The following XKR4 variants were observed in gnomAD, a reference collection of about 807,000 sequenced individuals.
XKR4 encodes XK-related protein 4.
In XKR4, 12 loss-of-function variants were observed where a neutral mutation model predicts 53.9. The observed-to-expected ratio is 0.22, with a 90% CI of 0.14 to 0.36. The LOEUF is 0.36. Ranked by LOEUF, XKR4 falls within the 10% of genes least tolerant of loss-of-function variation. The pLI, the probability that XKR4 is intolerant of heterozygous loss-of-function variation, is 1.00. For missense variants in XKR4, 799 were observed against 859.5 expected (o/e 0.93, Z 0.88); for synonymous variants, 354 against 362.4 (o/e 0.98, Z 0.26).
Position 55,139,404 on chromosome 8 carries a change from G to T in XKR4, c.806+36110G>T, listed in dbSNP as rs116323775. Among the ~76,000 whole-genome samples, 588 of 151,504 alleles carry T rather than the reference G, an allele frequency of 3.9e-3. 7 individuals are homozygous for T. The highest frequency in any genetic ancestry group is 0.014 in the African/African-American group (565 of 41,238). ...CAAAAATTATCTGGATGCGGTGGCG[G>T]CAGGCCCCGGTAATCCCAGCTACTT... On this transcript the variant is annotated intron_variant, in intron 1 of 2. Transcript: ENST00000327381.
chr8:55,183,683 G>A lies in XKR4; in HGVS notation c.806+80389G>A, dbSNP rs1192004712. The stretch of plus-strand genomic sequence containing the variant: ...TGGTTTATTAGGGTGAATGGTCCCA[G>A]TGCACTTGAGAATGTCTATTCTGCT... On this transcript the variant is annotated intron_variant, in intron 1 of 2. Transcript: ENST00000327381. Among the ~76,000 whole-genome samples, 4 of 152,274 alleles carry A rather than the reference G, an allele frequency of 2.6e-5. No individual in the cohort carries two copies. The East Asian group carries it at 7.7e-4, about 29-fold the overall frequency.
chr8:55,369,402 GAGGGAAAGGA>G (rs1251357749), intron 2 of XKR4, among the ~76,000 whole-genome samples: 16 of 44,484 alleles, frequency 3.6e-4, no homozygotes, highest in African/African-American at 1.6e-3. Context: ...GAGGGGAGGG[GAGGGAAAGGA>G]AGGGAAGGGA....
chr8:55,336,041 C>CA (rs34885296), intron 1 of XKR4, among the ~76,000 whole-genome samples: 65,441 of 113,640 alleles, frequency 0.58, 16,712 homozygotes, highest in South Asian at 0.61. Context: ...AACTCTATAC[C>CA]AAAAAAAAAA....
chr8:55,263,594 G>A (rs996817665), intron 1 of XKR4, among the ~76,000 whole-genome samples: 2 of 152,184 alleles, frequency 1.3e-5, no homozygotes, highest in Non-Finnish European at 2.9e-5. Context: ...GCTATTTATA[G>A]CACACCTTTT....
chr8:55,112,064 A>G (rs1197147519), intron 1 of XKR4, among the ~76,000 whole-genome samples: 1 of 152,176 alleles, frequency 6.6e-6, no homozygotes, highest in East Asian at 1.9e-4. Context: ...TAGAAATCTG[A>G]TGTGAAGCTG....
chr8:55,261,287 G>A (rs1054190430), intron 1 of XKR4, among the ~76,000 whole-genome samples: 3 of 152,138 alleles, frequency 2.0e-5, no homozygotes, highest in Admixed American at 6.6e-5. Flanking sequence ...GGTCAGACAA[G>A]ATACCCCCAA....
intron 2 of XKR4, among the ~76,000 whole-genome samples, chr8:55,492,758 TA>T (rs1806289757): frequency 6.6e-6 from 1 of 152,258 alleles, no homozygotes; most frequent in South Asian, 2.1e-4. Context: ...CTTTCTGTCT[TA>T]AAAGGCCTTT....
At chr8:55,346,989 C>T (rs1803657347) in intron 1 of XKR4, among the ~76,000 whole-genome samples, 1 of 152,136 alleles carries the variant, frequency 6.6e-6, no homozygotes, top group Non-Finnish European at 1.5e-5. Context: ...GTTAATGTAA[C>T]ACTCGGTCAA....
Position 55,102,798 on chromosome 8 carries a change from C to G in XKR4, c.310C>G (p.Gln104Glu). The G allele has an allele frequency of 6.2e-7, 1 of 1,602,002 alleles. No homozygotes were observed. The highest frequency in any genetic ancestry group is 8.5e-7 in the Non-Finnish European group (1 of 1,178,772). ...AALCLRLGRE[Q>E]RRYSLWDCLW... ...GCTGTGCCTGCGCCTGGGCAGGGAG[C>G]AGCGGCGCTACTCACTGTGGGACTG... The change falls in exon 1 of 3, where the codon CAG becomes GAG. Residue 104 changes from glutamine (Q) to glutamate (E), a missense_variant. Physicochemically the swap from Gln to Glu is conservative, Grantham distance 29. Transcript: ENST00000327381. This position sits in a 1 kb window ranked among gnomAD's most constrained non-coding sequence, Gnocchi z 5.1.
At chr8:55,351,731 G>T (rs1350151367) in intron 1 of XKR4, among the ~76,000 whole-genome samples, 5 of 152,180 alleles carry the variant, frequency 3.3e-5, no homozygotes, top group African/African-American at 1.2e-4. Flanking sequence ...CCTGATCAAA[G>T]CCAGCATCTT....
In XKR4 at chr8:55,223,847, G is replaced by T. The variant is rs142019051; in HGVS notation, c.806+120553G>T. Among the ~76,000 whole-genome samples the T allele has an allele frequency of 2.0e-3, 297 of 152,226 alleles. 1 individual carries two copies. The highest frequency in any genetic ancestry group is 6.9e-3 in the African/African-American group (285 of 41,532). Reference sequence around the variant, plus strand: ...GATAGTTGGGTTTTGGACATGGTAGGATTAAGCTGAGTGATTCTTCACCAA... The same window carrying T: ...GATAGTTGGGTTTTGGACATGGTAGTATTAAGCTGAGTGATTCTTCACCAA... On this transcript the variant is annotated intron_variant, in intron 1 of 2. Transcript: ENST00000327381.
At position 55,538,807 on chromosome 8, in the gene XKR4, G is replaced by C. The variant is rs1179447918; in HGVS notation, c.*14580G>C. On this transcript the variant is annotated 3_prime_UTR_variant, in exon 3 of 3. Transcript: ENST00000327381. Reference sequence around the variant, plus strand: ...TTTTTAACAGATATTAGTGAGATTAGAGTTGGTGTCATTTCCATTGAGTAT... The same window carrying C: ...TTTTTAACAGATATTAGTGAGATTACAGTTGGTGTCATTTCCATTGAGTAT... The C allele has an allele frequency of 1.3e-5, 2 of 152,188 alleles. No homozygotes were observed. Among genetic ancestry groups the C allele is most frequent in the Non-Finnish European group, 2.9e-5 (2 of 68,042 alleles). 9.4% of individuals were successfully genotyped at this position (152,188 alleles called of 1,614,324 possible).
intron 1 of XKR4, among the ~76,000 whole-genome samples, chr8:55,273,158 G>GTA (rs2129372803): frequency 6.6e-6 from 1 of 151,386 alleles, no homozygotes; most frequent in African/African-American, 2.4e-5. Flanking sequence ...GTGTGTGTGT[G>GTA]TGTGTGTGTG....
rs545507071 is a variant in XKR4 at position 55,216,517 on chromosome 8, CA to C, written c.806+113224del. ...CCAAGGCGGGCTGATCACCTGAGGT[CA>C]GGAGTTCGAGACCAGCCTGTCCAAC... On this transcript the variant is annotated intron_variant, in intron 1 of 2. Coordinates refer to ENST00000327381, the MANE Select transcript of XKR4 (RefSeq NM_052898.2). 2.1e-4 allele frequency among the ~76,000 whole-genome samples: 32 copies of C among 152,252 alleles called. No homozygotes were observed. In the East Asian group the frequency reaches 6.0e-3, roughly 28 times the overall value.
intron 1 of XKR4, among the ~76,000 whole-genome samples, chr8:55,323,234 G>A (rs530739129): frequency 1.3e-5 from 2 of 151,812 alleles, no homozygotes; most frequent in African/African-American, 2.4e-5. Context: ...ACTTTTTTTG[G>A]TGTAGAGTTC....
chr8:55,408,290 A>G (rs1804719668), intron 2 of XKR4, among the ~76,000 whole-genome samples: 1 of 152,240 alleles, frequency 6.6e-6, no homozygotes, highest in Non-Finnish European at 1.5e-5. Flanking sequence ...TTCTTCCAAT[A>G]GGAATGTTGC....
intron 2 of XKR4, among the ~76,000 whole-genome samples, chr8:55,407,139 C>T (rs1187694524): frequency 1.3e-5 from 2 of 152,096 alleles, no homozygotes; most frequent in African/African-American, 2.4e-5. Context: ...TGCAGGACTC[C>T]AAATGAACAA....
At chr8:55,178,064 A>G (rs1189334494) in intron 1 of XKR4, among the ~76,000 whole-genome samples, 3 of 152,244 alleles carry the variant, frequency 2.0e-5, no homozygotes, top group Non-Finnish European at 4.4e-5. Flanking sequence ...AGCCACTGTC[A>G]GCAATTTCTG....
rs976937451 is a variant in XKR4, at chr8:55,490,707, T to G, written c.1007-32574T>G. Among the ~76,000 whole-genome samples the G allele has an allele frequency of 4.6e-5, 7 of 152,258 alleles. No individual in the cohort carries two copies. In the East Asian group the frequency reaches 1.3e-3, roughly 29 times the overall value. On this transcript the variant is annotated intron_variant, in intron 2 of 2. Transcript: ENST00000327381. The stretch of plus-strand genomic sequence containing the variant: ...TTGTTCCTGTGTACGTGACATGTTT[T>G]TTTTAATTACTTTTTTACTCTGACT...
Sources: gnomAD v4.1 joint callset for allele counts (sites outside exome capture counted in the v4.1 genomes callset) on GRCh38, gnomAD v4.1.1 for gene constraint, Gnocchi (gnomAD v3.1) non-coding constraint, MANE v1.5 for transcripts, NCBI Gene and HGNC (gene_info 2026-07-23, HGNC 2026-07-21) for gene names.